Variants in NLRP5 observed in about 807,000 individuals in gnomAD.
The protein encoded by NLRP5 is NLR family pyrin domain containing 5.
A neutral mutation model predicts 113.1 loss-of-function variants in NLRP5; 93 were observed. That is an observed-to-expected ratio of 0.82 (90% CI 0.70 to 0.98). The LOEUF is 0.98. Among genes scored for constraint, NLRP5 ranks in the 50% least tolerant of loss-of-function variants. The pLI, the probability that NLRP5 is intolerant of heterozygous loss-of-function variation, is 0.00. For synonymous variants in NLRP5, 751 were observed against 600.7 expected, an observed-to-expected ratio of 1.25 and a Z score of -3.66; for missense variants, 1,808 against 1,514.3, an observed-to-expected ratio of 1.19 and a Z score of -3.22.
chr19:56,041,090 G>T lies in NLRP5; in HGVS notation c.2955G>T (p.Leu985=), dbSNP rs61732213. 270,334 of 1,613,258 alleles carry T rather than the reference G, an allele frequency of 0.17. 27,615 individuals are homozygous for T. Among genetic ancestry groups the T allele is most frequent in the East Asian group, 0.47 (20,865 of 44,830 alleles). Residue 985 remains leucine, a splice_region_variant and synonymous_variant, in exon 11 of 15, where the codon CTG becomes CTT. Transcript: ENST00000390649. ...TTCCCCACTGTAGTCTGCAGAGGCT[G>T]ATGTGAGTCTGGCTTGCTCCCCTGC...
At chr19:56,042,592 G>T (rs558248024) in intron 11 of NLRP5, among the ~76,000 whole-genome samples, 1 of 136,680 alleles carries the variant, frequency 7.3e-6, no homozygotes, top group Admixed American at 7.2e-5. Flanking sequence ...CAGGTGATCT[G>T]CCTGCCTCCC....
At chr19:55,997,075 T>C (rs188790365), upstream of NLRP5, among the ~76,000 whole-genome samples, 1 of 152,332 alleles carries the variant, frequency 6.6e-6, no homozygotes, top group East Asian at 1.9e-4. Flanking sequence ...TTTGCATTTC[T>C]CTGATGGCCA....
rs1213953462 is a variant in NLRP5, at chr19:56,033,698, G to A, written c.2604G>A (p.Leu868=). Residue 868 remains leucine (L), a synonymous_variant, in exon 9 of 15, where the codon TTG becomes TTA. Transcript: ENST00000390649. The stretch of plus-strand genomic sequence containing the variant: ...CCTTAAAACACCCAAAATGTTTGTT[G>A]GAGTCTTTGAGGTACGTCTCTGGTA... 1.2e-6 allele frequency: 2 copies of A among 1,612,592 alleles called. No homozygotes were observed. Among genetic ancestry groups the A allele is most frequent in the Non-Finnish European group, 1.7e-6 (2 of 1,179,352 alleles).
chr19:56,050,208 A>T (rs1393080903), intron 11 of NLRP5, among the ~76,000 whole-genome samples: 1 of 150,872 alleles, frequency 6.6e-6, no homozygotes, highest in Admixed American at 6.7e-5. Context: ...TGTGTCCAGG[A>T]GGCAGAGGCT....
At chr19:56,046,142 T>G (rs571114211) in intron 11 of NLRP5, among the ~76,000 whole-genome samples, 5 of 152,366 alleles carry the variant, frequency 3.3e-5, no homozygotes, top group Admixed American at 1.3e-4. Flanking sequence ...ATGCCAACTT[T>G]GCTGAGAGTT....
chr19:56,039,136 T>C (rs1217264146), intron 10 of NLRP5, among the ~76,000 whole-genome samples: 1 of 152,082 alleles, frequency 6.6e-6, no homozygotes, highest in African/African-American at 2.4e-5. Flanking sequence ...GAGCAGGTGC[T>C]GTTGATAACC....
At position 56,061,480 on chromosome 19, in the gene NLRP5, T is replaced by C; in HGVS notation, c.3555T>C (p.Gly1185=). ...TCAAGCCCCGAGTCGTAATTGACGG[T>C]AGTTGGCATTCTTTTGATGAAGATG... The change falls in exon 15 of 15, where the codon GGT becomes GGC. Residue 1185 remains glycine, a synonymous_variant. Coordinates refer to ENST00000390649, the MANE Select transcript of NLRP5 (RefSeq NM_153447.4). 6.2e-7 allele frequency: 1 copy of C among 1,614,040 alleles called. No individual in the cohort carries two copies. The highest frequency in any genetic ancestry group is 8.5e-7 in the Non-Finnish European group (1 of 1,179,892).
At chr19:55,998,710 G>GTATATA (rs1555762445), upstream of NLRP5, among the ~76,000 whole-genome samples, 1 of 67,856 alleles carries the variant, frequency 1.5e-5, no homozygotes, top group Admixed American at 1.6e-4. Flanking sequence ...ATATGTGTGT[G>GTATATA]TGTGTATATA....
chr19:56,032,360 A>G (rs1983151708), intron 7 of NLRP5, among the ~76,000 whole-genome samples: 1 of 148,170 alleles, frequency 6.7e-6, no homozygotes, highest in Non-Finnish European at 1.5e-5. Flanking sequence ...AAAAAAAAAA[A>G]GATCTGATTC....
rs764071548 is a variant in NLRP5 at position 56,032,667 on chromosome 19, G to T, written c.2333G>T (p.Gly778Val). The stretch of plus-strand genomic sequence containing the variant: ...TGGGAAGATTTCTGCTCCATGCTTG[G>T]CACCCACCCACACCTGCGGCAGCTG... The change falls in exon 8 of 15, where the codon GGC becomes GTC. Residue 778 changes from glycine to valine, a missense_variant. By Grantham distance (109) the Gly-to-Val change is moderately radical. Coordinates refer to ENST00000390649, the MANE Select transcript of NLRP5 (RefSeq NM_153447.4). The T allele has an allele frequency of 6.2e-7, 1 of 1,613,580 alleles. No individual in the cohort carries two copies. The highest frequency in any genetic ancestry group is 1.7e-5 in the Admixed American group (1 of 59,980).
chr19:56,030,711 C>CTTTTTTTTTTTTTTTTTTTTTTTTTT lies in NLRP5; in HGVS notation c.2277-1898_2277-1897insTTTTTTTTTTTTTTTTTTTTTTTTTT, dbSNP rs1251579019. ...TATACTTACATTCATTCGCTTTCTT[C>CTTTTTTTTTTTTTTTTTTTTTTTTTT]TTCTTTTTTTTTTTTTTTTTTGAGA... On this transcript the variant is annotated intron_variant, in intron 7 of 14. Coordinates refer to ENST00000390649, the MANE Select transcript of NLRP5 (RefSeq NM_153447.4). Among the ~76,000 whole-genome samples the CTTTTTTTTTTTTTTTTTTTTTTTTTT allele has an allele frequency of 8.4e-5, 4 of 47,766 alleles. 1 individual carries two copies. The highest frequency in any genetic ancestry group is 3.6e-4 in the African/African-American group (2 of 5,600). 31.3% of individuals were successfully genotyped at this position (47,766 alleles called of 152,430 possible). A position where few individuals can be genotyped will look rare whatever the true frequency, so the allele number is the denominator to read the frequency against.
At chr19:56,038,964 C>A (rs28537748) in intron 10 of NLRP5, among the ~76,000 whole-genome samples, 2 of 152,176 alleles carry the variant, frequency 1.3e-5, no homozygotes, top group Non-Finnish European at 2.9e-5. Flanking sequence ...GTGTGAGCCA[C>A]CATGCCTGGC....
At chr19:56,060,946 G>T (rs1465126453) in intron 14 of NLRP5, among the ~76,000 whole-genome samples, 2 of 152,170 alleles carry the variant, frequency 1.3e-5, no homozygotes, top group East Asian at 3.8e-4. Flanking sequence ...AAAAGGTTCA[G>T]GGAGTAGATC....
At chr19:55,987,120 G>A in the NLRP5 span, among the ~76,000 whole-genome samples, 15 of 152,356 alleles carry the variant, frequency 9.8e-5, no homozygotes, top group Admixed American at 9.8e-4. Context: ...TATAATCCCA[G>A]CACTTTGGGA....
At chr19:56,047,367 G>A (rs1983766735) in intron 11 of NLRP5, among the ~76,000 whole-genome samples, 1 of 152,072 alleles carries the variant, frequency 6.6e-6, no homozygotes, top group South Asian at 2.1e-4. Flanking sequence ...TTTTGATGTA[G>A]GCGTTGAGGG....
intron 6 of NLRP5, among the ~76,000 whole-genome samples, chr19:56,022,886 G>A (rs774467515): frequency 4.6e-5 from 7 of 152,052 alleles, no homozygotes; most frequent in Admixed American, 6.5e-5. Flanking sequence ...CACCACACCC[G>A]GCTAATTTTG....
chr19:55,996,708 A>G (rs990707205), upstream of NLRP5, among the ~76,000 whole-genome samples: 14 of 152,118 alleles, frequency 9.2e-5, no homozygotes, highest in Non-Finnish European at 1.6e-4. Context: ...GTGTATATGT[A>G]CCACATTTTC....
At chr19:56,031,998 C>G (rs1320604060) in intron 7 of NLRP5, among the ~76,000 whole-genome samples, 2 of 151,996 alleles carry the variant, frequency 1.3e-5, no homozygotes, top group African/African-American at 4.8e-5. Context: ...TACTGTTTTC[C>G]ACAGCTGTTG....
intron 11 of NLRP5, among the ~76,000 whole-genome samples, chr19:56,043,645 A>T (rs187591765): frequency 6.8e-4 from 91 of 134,610 alleles, no homozygotes; most frequent in African/African-American, 2.4e-3. Flanking sequence ...CGGTCACTGC[A>T]AGCTCTGCCT....
Sources: allele counts gnomAD v4.1 joint callset (sites outside exome capture counted in the v4.1 genomes callset), GRCh38; gene constraint gnomAD v4.1.1; transcripts MANE v1.5; gene names NCBI Gene and HGNC (gene_info 2026-07-23, HGNC 2026-07-21).